PCDHA12: variants seen among roughly 807,000 people sequenced by gnomAD.
PCDHA12 encodes the protein protocadherin alpha 12.
In PCDHA12, 44 loss-of-function variants were observed where a neutral mutation model predicts 60.0. The observed-to-expected ratio is 0.73, with a 90% CI of 0.58 to 0.94. PCDHA12 has a LOEUF of 0.94. Among genes scored for constraint, PCDHA12 ranks in the 40% least tolerant of loss-of-function variants. The probability of loss-of-function intolerance (pLI) is 0.00; values close to 1 mark genes in which losing one functional copy is unlikely to be tolerated. For missense variants in PCDHA12, 1,276 were observed against 1,239.7 expected (o/e 1.03, Z -0.44); for synonymous variants, 569 against 553.0 (o/e 1.03, Z -0.40).
chr5:140,902,885 T>C (rs2069815301), intron 1 of PCDHA12, among the ~76,000 whole-genome samples: 1 of 152,238 alleles, frequency 6.6e-6, no homozygotes, highest in Admixed American at 6.5e-5. Context: ...CTGCAAAAGC[T>C]ATTATTTTAT....
At chr5:140,942,950 T>G (rs1461424409) in intron 1 of PCDHA12, among the ~76,000 whole-genome samples, 1 of 151,716 alleles carries the variant, frequency 6.6e-6, no homozygotes, top group Non-Finnish European at 1.5e-5. Context: ...AGTGTAGACG[T>G]TCTGTTATCA....
chr5:140,986,638 G>A (rs185773882), intron 3 of PCDHA12, among the ~76,000 whole-genome samples: 18 of 152,282 alleles, frequency 1.2e-4, no homozygotes, highest in Non-Finnish European at 2.6e-4. Flanking sequence ...CAGTACATTA[G>A]TTTTAGAGTG....
chr5:140,917,332 G>GA, intron 1 of PCDHA12, among the ~76,000 whole-genome samples: 1 of 145,644 alleles, frequency 6.9e-6, no homozygotes, highest in Non-Finnish European at 1.5e-5. Context: ...GGCGGGGGAG[G>GA]GGGGGGATGG....
At chr5:140,916,472 G>A (rs2077581791) in intron 1 of PCDHA12, among the ~76,000 whole-genome samples, 1 of 152,192 alleles carries the variant, frequency 6.6e-6, no homozygotes, top group Non-Finnish European at 1.5e-5. Context: ...TGGTTATTTG[G>A]TGCCCAAGGG....
intron 1 of PCDHA12, among the ~76,000 whole-genome samples, chr5:140,955,244 G>A (rs1554221834): frequency 2.0e-5 from 3 of 152,072 alleles, no homozygotes; most frequent in South Asian, 2.1e-4. Flanking sequence ...GCTTAGGATC[G>A]GCTTGGCTAT....
At chr5:140,988,501 A>G (rs966150033) in intron 3 of PCDHA12, among the ~76,000 whole-genome samples, 3 of 152,164 alleles carry the variant, frequency 2.0e-5, no homozygotes, top group Non-Finnish European at 2.9e-5. Context: ...AGGAGAAGCC[A>G]TGAAGCTTAC....
At chr5:140,931,602 T>C (rs1192023680) in intron 1 of PCDHA12, among the ~76,000 whole-genome samples, 12 of 152,084 alleles carry the variant, frequency 7.9e-5, no homozygotes, top group Non-Finnish European at 1.2e-4. Flanking sequence ...TTTTCCATCA[T>C]TGTTGATATT....
rs1207543793 is a variant in PCDHA12 at position 140,877,818 on chromosome 5, T to G, written c.2346T>G (p.Asp782Glu). 3 of 1,608,774 alleles carry G rather than the reference T, an allele frequency of 1.9e-6. No individual in the cohort carries two copies. Among genetic ancestry groups the G allele is most frequent in the African/African-American group, 2.7e-5 (2 of 74,694 alleles). Residue 782 changes from aspartate (D) to glutamate (E), a missense_variant, in exon 1 of 4, where the codon GAT becomes GAG. Asp to Glu is a conservative substitution (Grantham distance 45). Coordinates refer to ENST00000398631, the MANE Select transcript of PCDHA12 (RefSeq NM_018903.4). ...FSPSLQLSRE[D>E]CLNPPSEPRQ... ...CAAGCCTTCAGCTGTCTCGAGAAGA[T>G]TGTTTAAATCCTCCCAGTGAAGTAA...
intron 3 of PCDHA12, among the ~76,000 whole-genome samples, chr5:140,985,840 T>C (rs1441638586): frequency 2.0e-5 from 3 of 149,512 alleles, no homozygotes; most frequent in African/African-American, 7.4e-5. Flanking sequence ...CCCGGGTTCA[T>C]GCCACTCTCC....
chr5:141,008,430 GC>G (rs1252417058), intron 3 of PCDHA12, among the ~76,000 whole-genome samples: 2 of 152,260 alleles, frequency 1.3e-5, no homozygotes, highest in African/African-American at 4.8e-5. Context: ...GGATCACTTT[GC>G]CCAGACAGAC....
At chr5:140,906,265 TATAG>T (rs1455952624) in intron 1 of PCDHA12, among the ~76,000 whole-genome samples, 7 of 152,148 alleles carry the variant, frequency 4.6e-5, no homozygotes, top group African/African-American at 1.2e-4. Context: ...CTCCTGAAAT[TATAG>T]ATAATCTTCA....
rs781957040 is a variant in PCDHA12 at position 140,876,154 on chromosome 5, A to T, written c.682A>T (p.Ile228Phe). 2.5e-6 allele frequency: 4 copies of T among 1,613,972 alleles called. No homozygotes were observed. Among genetic ancestry groups the T allele is most frequent in the Non-Finnish European group, 2.5e-6 (3 of 1,179,902 alleles). The change falls in exon 1 of 4, where the codon ATT becomes TTT. Residue 228 changes from isoleucine (I) to phenylalanine (F), a missense_variant. Ile to Phe is a conservative substitution (Grantham distance 21). Coordinates refer to ENST00000398631, the MANE Select transcript of PCDHA12 (RefSeq NM_018903.4). ...GKPELTGSVQ[I>F]QITVLDVNDN... ...ACCAGAACTAACAGGGTCTGTCCAGATTCAAATAACCGTCCTGGATGTGAA... is the reference window on the plus strand; with the variant it reads ...ACCAGAACTAACAGGGTCTGTCCAGTTTCAAATAACCGTCCTGGATGTGAA...
intron 3 of PCDHA12, among the ~76,000 whole-genome samples, chr5:140,994,851 A>C (rs1178274121): frequency 1.3e-5 from 2 of 149,076 alleles, no homozygotes; most frequent in African/African-American, 5.2e-5. Flanking sequence ...AGATGAGTGC[A>C]TTTGATGGAT....
At chr5:141,005,939 C>A (rs1183397075) in intron 3 of PCDHA12, among the ~76,000 whole-genome samples, 2 of 151,786 alleles carry the variant, frequency 1.3e-5, no homozygotes, top group Non-Finnish European at 2.9e-5. Flanking sequence ...AGAGTGAGAA[C>A]CTATCTCTAA....
chr5:140,969,454 A>T, intron 1 of PCDHA12: 1 of 1,511,824 alleles, frequency 6.6e-7, no homozygotes. Flanking sequence ...AACTGAGTAT[A>T]TATAGTATCC....
chr5:140,980,933 C>G (rs1376814777), intron 2 of PCDHA12, among the ~76,000 whole-genome samples: 1 of 152,120 alleles, frequency 6.6e-6, no homozygotes, highest in African/African-American at 2.4e-5. Flanking sequence ...CTGCTTTGAG[C>G]TGAGCTGGCT....
chr5:140,890,056 C>T (rs2062472126), intron 1 of PCDHA12, among the ~76,000 whole-genome samples: 1 of 152,124 alleles, frequency 6.6e-6, no homozygotes, highest in African/African-American at 2.4e-5. Flanking sequence ...GGAGCTGGCT[C>T]TTTTACTGGC....
At position 141,010,234 on chromosome 5, in the gene PCDHA12, T is replaced by C. The variant is rs1455330920; in HGVS notation, c.*297T>C. 1 of 1,551,824 alleles carries C rather than the reference T, an allele frequency of 6.4e-7. No individual in the cohort carries two copies. Among genetic ancestry groups the C allele is most frequent in the Non-Finnish European group, 8.7e-7 (1 of 1,147,042 alleles). On this transcript the variant is annotated 3_prime_UTR_variant, in exon 4 of 4. Transcript: ENST00000398631. ...AGGAGAGGCTTCCCAGCCCCGCCAG[T>C]GAGAGGTTGGACTCTCTGCCCTGTG...
At chr5:140,927,716 G>T (rs782756674) in intron 1 of PCDHA12, 1 of 1,614,190 alleles carries the variant, frequency 6.2e-7, no homozygotes, top group South Asian at 1.1e-5. Context: ...CTAAGCAACA[G>T]CACGCAAGCA....
Sources: allele counts gnomAD v4.1 joint callset (sites outside exome capture counted in the v4.1 genomes callset), GRCh38; gene constraint gnomAD v4.1.1; transcripts MANE v1.5; gene names NCBI Gene and HGNC (gene_info 2026-07-23, HGNC 2026-07-21).